Variants in ZFAT observed in about 807,000 individuals in gnomAD.
The protein encoded by ZFAT is zinc finger and AT-hook domain containing, also known as zinc finger protein ZFAT.
A neutral mutation model predicts 117.7 loss-of-function variants in ZFAT; 64 were observed. The observed-to-expected ratio is 0.54, with a 90% CI of 0.44 to 0.67. The LOEUF (loss-of-function observed/expected upper bound fraction) is 0.67, where lower values mean the gene tolerates loss of function less well. ZFAT is among the 30% of genes least tolerant of loss of function. ZFAT has a pLI of 0.00. For synonymous variants in ZFAT, 679 were observed against 615.0 expected (o/e 1.10, Z -1.54); for missense variants, 1,433 against 1,584.5 (o/e 0.90, Z 1.62).
At chr8:134,650,967 C>T (rs1444697581) in intron 2 of ZFAT, among the ~76,000 whole-genome samples, 1 of 152,174 alleles carries the variant, frequency 6.6e-6, no homozygotes, top group Non-Finnish European at 1.5e-5. Flanking sequence ...CAAACCAAAA[C>T]CACAATGAAA....
In ZFAT at chr8:134,708,433, G is replaced by T. The variant is rs147880964; in HGVS notation, c.19+4412C>A. Reference sequence around the variant, plus strand: ...AAATCATAACATCACATTATACCCCGTAAAGAAACAAATATGTCGTTACAG... The same window carrying T: ...AAATCATAACATCACATTATACCCCTTAAAGAAACAAATATGTCGTTACAG... On this transcript the variant is annotated intron_variant, in intron 1 of 15. Coordinates refer to ENST00000377838, the MANE Select transcript of ZFAT (RefSeq NM_020863.4). 1.5e-4 allele frequency among the ~76,000 whole-genome samples: 23 copies of T among 151,330 alleles called. No homozygotes were observed. In the East Asian group the frequency reaches 4.3e-3, roughly 28 times the overall value.
At chr8:134,770,763 C>A in the ZFAT span, among the ~76,000 whole-genome samples, 1 of 152,192 alleles carries the variant, frequency 6.6e-6, no homozygotes, top group South Asian at 2.1e-4. Flanking sequence ...CAGCGTGGAA[C>A]ATCCCTGAGA....
At position 134,676,316 on chromosome 8, in the gene ZFAT, C is replaced by T. The variant is rs190968857; in HGVS notation, c.20-18579G>A. On this transcript the variant is annotated intron_variant, in intron 1 of 15. Coordinates refer to ENST00000377838, the MANE Select transcript of ZFAT (RefSeq NM_020863.4). ...CAATCCTAGTCTCTGATAAAACAGA[C>T]TTTAAACCAACAAAGATCAAAAGAT... Among the ~76,000 whole-genome samples, 95 of 146,712 alleles carry T rather than the reference C, an allele frequency of 6.5e-4. 2 individuals are homozygous for T. The East Asian group carries it at 0.012, about 18-fold the overall frequency.
chr8:134,565,975 G>GTGAGTCTGCAGA (rs1824430779), intron 10 of ZFAT, among the ~76,000 whole-genome samples: 1 of 151,830 alleles, frequency 6.6e-6, no homozygotes, highest in African/African-American at 2.4e-5. Flanking sequence ...GAGTCTGCAG[G>GTGAGTCTGCAGA]ATGATGGCCA....
the ZFAT span, among the ~76,000 whole-genome samples, chr8:134,742,280 G>A: frequency 6.6e-6 from 1 of 151,936 alleles, no homozygotes; most frequent in African/African-American, 2.4e-5. Context: ...CCGTCATCTA[G>A]GTTATATCAA....
intron 11 of ZFAT, among the ~76,000 whole-genome samples, chr8:134,540,297 T>C (rs1822157849): frequency 6.6e-6 from 1 of 152,136 alleles, no homozygotes; most frequent in Admixed American, 6.6e-5. Flanking sequence ...TCGATCTCCT[T>C]CCTCTCACAC....
At chr8:134,493,852 G>T (rs1419144641) in intron 15 of ZFAT, among the ~76,000 whole-genome samples, 1 of 152,142 alleles carries the variant, frequency 6.6e-6, no homozygotes, top group Non-Finnish European at 1.5e-5. Flanking sequence ...CTTATAGTAG[G>T]CACTCAATAA....
Position 134,637,539 on chromosome 8 carries a change from TC to T in ZFAT, c.369del (p.Lys124SerfsTer17). On this transcript the variant is annotated frameshift_variant, in exon 3 of 16. Coordinates refer to ENST00000377838, the MANE Select transcript of ZFAT (RefSeq NM_020863.4). LOFTEE classifies it high-confidence loss of function. ...PSSLECSKCC[R>X]KFSNTRQLRK... Reference sequence around the variant, plus strand: ...CGCAGCTGGCGCGTGTTGGAGAACTTCCGACAGCACTTGCTACACTCCAAGC... The same window carrying T: ...CGCAGCTGGCGCGTGTTGGAGAACTTCGACAGCACTTGCTACACTCCAAGC... 6.2e-7 allele frequency: 1 copy of T among 1,614,220 alleles called. No individual in the cohort carries two copies. Among genetic ancestry groups the T allele is most frequent in the Non-Finnish European group, 8.5e-7 (1 of 1,180,028 alleles).
chr8:134,766,036 C>A, the ZFAT span: 2 of 152,202 alleles, frequency 1.3e-5, no homozygotes, highest in Non-Finnish European at 2.9e-5. Flanking sequence ...GAGTCACAAA[C>A]CTTTGTGTTT....
At chr8:134,494,369 GGCA>G (rs33944634) in intron 15 of ZFAT, among the ~76,000 whole-genome samples, 50,703 of 151,816 alleles carry the variant, frequency 0.33, 8,690 homozygotes, top group Middle Eastern at 0.38. Flanking sequence ...CAGCCTGAAG[GGCA>G]GCAGGTGCTC....
chr8:134,535,494 T>G (rs977890243), intron 11 of ZFAT, among the ~76,000 whole-genome samples: 1 of 19,794 alleles, frequency 5.1e-5, no homozygotes, highest in Non-Finnish European at 1.0e-4. Context: ...CCCCTCCCCC[T>G]CCCCCTCCCT....
At chr8:134,717,574 C>T (rs2131380007), upstream of ZFAT, among the ~76,000 whole-genome samples, 2 of 141,840 alleles carry the variant, frequency 1.4e-5, no homozygotes, top group South Asian at 4.7e-4. Flanking sequence ...AGCTCTGCCT[C>T]CTGGGTTCAT....
chr8:134,512,925 C>T (rs984598065), intron 13 of ZFAT, among the ~76,000 whole-genome samples: 12 of 152,202 alleles, frequency 7.9e-5, no homozygotes, highest in Non-Finnish European at 1.3e-4. Flanking sequence ...TAGATTCTAA[C>T]GGCTCCTCTG....
At chr8:134,615,169 T>C (rs565472590) in intron 3 of ZFAT, among the ~76,000 whole-genome samples, 1 of 152,242 alleles carries the variant, frequency 6.6e-6, no homozygotes, top group South Asian at 2.1e-4. Context: ...AACGTGACTC[T>C]GGCAGCGGCT....
At chr8:134,567,934 C>T (rs1824594408) in intron 10 of ZFAT, among the ~76,000 whole-genome samples, 1 of 152,206 alleles carries the variant, frequency 6.6e-6, no homozygotes, top group South Asian at 2.1e-4. Context: ...TCCATAGGCC[C>T]CCTACACACT....
intron 11 of ZFAT, among the ~76,000 whole-genome samples, chr8:134,540,824 G>C (rs190192572): frequency 6.6e-6 from 1 of 152,226 alleles, no homozygotes; most frequent in South Asian, 2.1e-4. Context: ...CAAGTGTCAT[G>C]AAATTTTTAT....
chr8:134,800,726 C>T, the ZFAT span: 2 of 320,290 alleles, frequency 6.2e-6, no homozygotes, highest in South Asian at 5.3e-5. Flanking sequence ...GGAAAGATAT[C>T]CTGAGAGAAA....
At chr8:134,683,206 T>C (rs920584842) in intron 1 of ZFAT, among the ~76,000 whole-genome samples, 2 of 152,202 alleles carry the variant, frequency 1.3e-5, no homozygotes, top group African/African-American at 4.8e-5. Context: ...AGTGGCTCCT[T>C]TGTGCAGTGT....
At chr8:134,521,919 T>C (rs906232626) in intron 12 of ZFAT, among the ~76,000 whole-genome samples, 4 of 152,174 alleles carry the variant, frequency 2.6e-5, no homozygotes, top group Non-Finnish European at 2.9e-5. Context: ...AACTGTGAGC[T>C]ACCCGATTCC....
Sources: gnomAD v4.1 joint callset for allele counts (sites outside exome capture counted in the v4.1 genomes callset) on GRCh38, gnomAD v4.1.1 for gene constraint, MANE v1.5 for transcripts, NCBI Gene and HGNC (gene_info 2026-07-23, HGNC 2026-07-21) for gene names.